Variants in TDRD10 observed in about 807,000 individuals in gnomAD.
TDRD10 encodes the protein tudor domain containing 10.
In TDRD10, 40 loss-of-function variants were observed where a neutral mutation model predicts 48.0. That is an observed-to-expected ratio of 0.83 (90% CI 0.65 to 1.09). The LOEUF is 1.09. Among genes scored for constraint, TDRD10 ranks in the 50% least tolerant of loss-of-function variants. The pLI, the probability that TDRD10 is intolerant of heterozygous loss-of-function variation, is 0.00. For synonymous variants in TDRD10, 162 were observed against 170.4 expected (o/e 0.95, Z 0.38); for missense variants, 378 against 434.7 (o/e 0.87, Z 1.16).
At chr1:154,539,405 C>T (rs1170037395) in intron 6 of TDRD10, among the ~76,000 whole-genome samples, 1 of 152,174 alleles carries the variant, frequency 6.6e-6, no homozygotes, top group African/African-American at 2.4e-5. Context: ...CGGGTTCAAG[C>T]AATCCTCCTG....
intron 8 of TDRD10, 113 bp downstream of exon 8, chr1:154,542,934 C>A (rs1695326800): frequency 1.3e-6 from 1 of 794,440 alleles, no homozygotes; most frequent in Admixed American, 2.6e-5. Context: ...TTCGGGAACT[C>A]CTGTGTCAGA....
intron 3 of TDRD10, 34 bp downstream of exon 3, chr1:154,507,354 ACT>A: frequency 6.2e-7 from 1 of 1,610,346 alleles, no homozygotes; most frequent in South Asian, 1.1e-5. Flanking sequence ...TGGTGCTGGG[ACT>A]CTCATCCTAC....
chr1:154,547,026 C>T (rs1695633949), intron 11 of TDRD10, among the ~76,000 whole-genome samples: 1 of 152,098 alleles, frequency 6.6e-6, no homozygotes, highest in Non-Finnish European at 1.5e-5. Flanking sequence ...TGTAAGAGTG[C>T]TTGCGTCTCA....
chr1:154,532,872 G>C (rs1403801296), intron 6 of TDRD10, among the ~76,000 whole-genome samples: 2 of 152,192 alleles, frequency 1.3e-5, no homozygotes, highest in Non-Finnish European at 2.9e-5. Flanking sequence ...CGAGCCCCTT[G>C]TTACTGCCAG....
At chr1:154,529,720 T>C (rs568788844) in intron 6 of TDRD10, among the ~76,000 whole-genome samples, 65 of 151,996 alleles carry the variant, frequency 4.3e-4, no homozygotes, top group Non-Finnish European at 9.1e-4. Flanking sequence ...AATTTTTGTA[T>C]TTTTAGTAGA....
chr1:154,520,458 C>A, intron 5 of TDRD10, 84 bp downstream of exon 5: 1 of 1,097,280 alleles, frequency 9.1e-7, no homozygotes, highest in Non-Finnish European at 1.4e-6. Flanking sequence ...ATGTTGCAGA[C>A]TAGCCCAGCA....
chr1:154,504,046 C>T (rs116247632), intron 1 of TDRD10, among the ~76,000 whole-genome samples: 2,021 of 152,282 alleles, frequency 0.013, 19 homozygotes, highest in Non-Finnish European at 0.022. Flanking sequence ...TTTCCCTCTC[C>T]GCCTTCCCAG....
At chr1:154,506,408 C>T (rs761225017) in intron 1 of TDRD10, among the ~76,000 whole-genome samples, 4 of 149,526 alleles carry the variant, frequency 2.7e-5, no homozygotes, top group Non-Finnish European at 5.9e-5. Context: ...TGTTGTCTCA[C>T]TCTGTCGCCC....
At chr1:154,546,481 A>ATATATAT in intron 11 of TDRD10, among the ~76,000 whole-genome samples, 1 of 147,456 alleles carries the variant, frequency 6.8e-6, no homozygotes, top group South Asian at 2.1e-4. Flanking sequence ...ATAATATATA[A>ATATATAT]TACGTGATAT....
Position 154,515,094 on chromosome 1 carries a change from C to T in TDRD10, c.142-5210C>T, listed in dbSNP as rs185211309. ...TATTGGCCATGCTGGTCTCGAACAC[C>T]TGACCTCAAATGATCCACCCACCTC... On this transcript the variant is annotated intron_variant, in intron 4 of 12. Coordinates refer to ENST00000368482, the MANE Select transcript of TDRD10 (RefSeq NM_182499.4). Among the ~76,000 whole-genome samples, 574 of 152,090 alleles carry T rather than the reference C, an allele frequency of 3.8e-3. 2 individuals carry two copies. Among genetic ancestry groups the T allele is most frequent in the African/African-American group, 0.013 (548 of 41,482 alleles).
At chr1:154,538,152 A>G (rs981075697) in intron 6 of TDRD10, among the ~76,000 whole-genome samples, 2 of 152,224 alleles carry the variant, frequency 1.3e-5, no homozygotes, top group Admixed American at 1.3e-4. Flanking sequence ...TCATTAGGGA[A>G]TAATAATTAG....
chr1:154,506,096 A>G (rs1223671532), intron 1 of TDRD10, among the ~76,000 whole-genome samples: 2 of 152,236 alleles, frequency 1.3e-5, no homozygotes, highest in East Asian at 3.8e-4. Flanking sequence ...TCATAACAAA[A>G]TACTACAACC....
chr1:154,541,891 T>C, intron 6 of TDRD10, 133 bp from the exon 7 acceptor site: 6 of 779,490 alleles, frequency 7.7e-6, no homozygotes, highest in Non-Finnish European at 1.2e-5. Flanking sequence ...GTCTCAAAAG[T>C]CAGCTCTAAA....
At chr1:154,507,551 C>T (rs1357850339) in intron 3 of TDRD10, among the ~76,000 whole-genome samples, 9 of 152,156 alleles carry the variant, frequency 5.9e-5, no homozygotes, top group African/African-American at 9.7e-5. Flanking sequence ...CTCCTAACCC[C>T]GTGCTTCTGT....
chr1:154,535,778 C>T (rs550253224), intron 6 of TDRD10, among the ~76,000 whole-genome samples: 1 of 152,176 alleles, frequency 6.6e-6, no homozygotes, highest in East Asian at 1.9e-4. Flanking sequence ...GGAGTGTGTT[C>T]CAACAAAAAT....
rs182497972 is a variant in TDRD10 at position 154,531,048 on chromosome 1, C to T, written c.369+9569C>T. Among the ~76,000 whole-genome samples the T allele has an allele frequency of 1.7e-4, 26 of 151,704 alleles. No homozygotes were observed. The East Asian group carries it at 4.7e-3, about 27-fold the overall frequency. ...TAGAGATGGGGTTTCACCATGTTGG[C>T]CAGGCTGGTTTTGAACTCCTGACCT... On this transcript the variant is annotated intron_variant, in intron 6 of 12. Coordinates refer to ENST00000368482, the MANE Select transcript of TDRD10 (RefSeq NM_182499.4).
chr1:154,506,760 A>G (rs1156424403), intron 1 of TDRD10, 117 bp from the exon 2 acceptor site: 3 of 841,200 alleles, frequency 3.6e-6, no homozygotes, highest in Non-Finnish European at 6.1e-6. Flanking sequence ...AGGGATTAGG[A>G]TGTGGACCAC....
At chr1:154,515,982 G>T (rs1693742088) in intron 4 of TDRD10, among the ~76,000 whole-genome samples, 1 of 152,272 alleles carries the variant, frequency 6.6e-6, no homozygotes, top group East Asian at 1.9e-4. Flanking sequence ...CTCCAGAAGT[G>T]CTGGGATTAC....
Position 154,544,503 on chromosome 1 carries a change from A to C in TDRD10, c.783A>C (p.Gly261=), listed in dbSNP as rs755503619. 2.5e-5 allele frequency: 40 copies of C among 1,613,790 alleles called. No individual in the cohort carries two copies. The Admixed American group carries it at 6.0e-4, about 24-fold the overall frequency. Residue 261 remains glycine, a synonymous_variant, in exon 10 of 13, where the codon GGA becomes GGC. Transcript: ENST00000368482. ...CLAEYHLGDY[G]HAWNRCWVLD... Reference sequence around the variant, plus strand: ...CAGAGTACCACCTGGGGGATTATGGACACGCCTGGAACAGGTGTGTGCCTG... The same window carrying C: ...CAGAGTACCACCTGGGGGATTATGGCCACGCCTGGAACAGGTGTGTGCCTG...
Sources: allele counts gnomAD v4.1 joint callset (sites outside exome capture counted in the v4.1 genomes callset), GRCh38; gene constraint gnomAD v4.1.1; transcripts MANE v1.5; gene names NCBI Gene and HGNC (gene_info 2026-07-23, HGNC 2026-07-21).